OTUD7A: variants seen among roughly 807,000 people sequenced by gnomAD.
The protein encoded by OTUD7A is OTU deubiquitinase 7A.
OTUD7A carries 12 observed loss-of-function variants against 65.7 expected under a neutral mutation model. The observed-to-expected ratio is 0.18, with a 90% confidence interval of 0.12 to 0.30. The LOEUF is 0.30. Ranked by LOEUF, OTUD7A falls within the 10% of genes least tolerant of loss-of-function variation. OTUD7A has a pLI of 1.00. For synonymous variants in OTUD7A, 641 were observed against 586.3 expected, an observed-to-expected ratio of 1.09 and a Z score of -1.35; for missense variants, 1,148 against 1,304.8, an observed-to-expected ratio of 0.88 and a Z score of 1.85.
chr15:31,761,797 T>C (rs1430008269), intron 1 of OTUD7A, among the ~76,000 whole-genome samples: 4 of 152,232 alleles, frequency 2.6e-5, no homozygotes, highest in South Asian at 4.1e-4. Flanking sequence ...CAATGTGATA[T>C]ATCCATACAA....
intron 1 of OTUD7A, among the ~76,000 whole-genome samples, chr15:31,718,001 T>C (rs1893636996): frequency 6.6e-6 from 1 of 152,198 alleles, no homozygotes; most frequent in South Asian, 2.1e-4. Flanking sequence ...ATACCCTACT[T>C]AGGGTAGAAT....
chr15:31,678,816 TCCCC>T (rs1892649501), intron 1 of OTUD7A, among the ~76,000 whole-genome samples: 2 of 151,692 alleles, frequency 1.3e-5, no homozygotes, highest in Admixed American at 1.3e-4. Flanking sequence ...CACACAAGAG[TCCCC>T]ACTGAGGCAC....
chr15:31,742,072 C>A, intron 1 of OTUD7A, among the ~76,000 whole-genome samples: 1 of 152,076 alleles, frequency 6.6e-6, no homozygotes, highest in East Asian at 1.9e-4. Flanking sequence ...TCAACAGATA[C>A]ATACTTTTGT....
intron 1 of OTUD7A, among the ~76,000 whole-genome samples, chr15:31,852,606 G>A (rs1290592785): frequency 1.3e-5 from 2 of 152,118 alleles, no homozygotes; most frequent in Non-Finnish European, 2.9e-5. Flanking sequence ...CCATACAAAG[G>A]ACCAAGTCAG....
intron 5 of OTUD7A, among the ~76,000 whole-genome samples, chr15:31,552,428 A>G (rs1188354955): frequency 6.6e-6 from 1 of 152,250 alleles, no homozygotes; most frequent in African/African-American, 2.4e-5. Flanking sequence ...TAAATTCTTT[A>G]TAGCAAAAAG....
chr15:31,771,649 A>G (rs554646395), intron 1 of OTUD7A, among the ~76,000 whole-genome samples: 1 of 152,296 alleles, frequency 6.6e-6, no homozygotes, highest in South Asian at 2.1e-4. Flanking sequence ...CTAGAACCTT[A>G]TCTCCATCTC....
intron 1 of OTUD7A, among the ~76,000 whole-genome samples, chr15:31,710,770 G>C (rs1392495717): frequency 6.6e-6 from 1 of 152,204 alleles, no homozygotes; most frequent in Non-Finnish European, 1.5e-5. Flanking sequence ...TTATTGTATT[G>C]CTGTTTCTCC....
chr15:31,665,719 C>T (rs1299365721), intron 1 of OTUD7A, among the ~76,000 whole-genome samples: 2 of 152,182 alleles, frequency 1.3e-5, no homozygotes, highest in African/African-American at 4.8e-5. Flanking sequence ...TGAGAGTGGG[C>T]ATCCTTGTCT....
intron 3 of OTUD7A, among the ~76,000 whole-genome samples, chr15:31,605,486 T>C (rs1890213693): frequency 6.6e-6 from 1 of 152,128 alleles, no homozygotes. Flanking sequence ...TTCTCCTTGG[T>C]GGCCTCTGGG....
rs2041004687 is a variant in OTUD7A at position 31,475,535 on chromosome 15, C to T, written c.*7759G>A. ...TTTCATAAAAGAAAGAAATTAAATA[C>T]AATTCTTCTATAAAAAGTGCAGTAG... On this transcript the variant is annotated 3_prime_UTR_variant, in exon 13 of 13. Coordinates refer to ENST00000307050, the MANE Select transcript of OTUD7A (RefSeq NM_001382637.1). The T allele has an allele frequency of 6.6e-6, 1 of 152,158 alleles. No individual in the cohort carries two copies. Among genetic ancestry groups the T allele is most frequent in the African/African-American group, 2.4e-5 (1 of 41,428 alleles). The allele number at this position is 152,158 out of a possible 1,614,324, so 9.4% of individuals were successfully genotyped here.
intron 1 of OTUD7A, among the ~76,000 whole-genome samples, chr15:31,723,392 CCA>C (rs1302024897): frequency 7.6e-3 from 82 of 10,824 alleles, no homozygotes; most frequent in East Asian, 0.043. Context: ...GCACCGCACG[CCA>C]CCCCCCCCCC....
chr15:31,508,732 G>A (rs2041623084), intron 8 of OTUD7A, among the ~76,000 whole-genome samples: 2 of 152,234 alleles, frequency 1.3e-5, no homozygotes, highest in South Asian at 4.1e-4. Context: ...TAGTTTTGAG[G>A]AAAGGGAAAG....
intron 1 of OTUD7A, among the ~76,000 whole-genome samples, chr15:31,795,075 T>A (rs1895917131): frequency 6.6e-6 from 1 of 152,256 alleles, no homozygotes; most frequent in South Asian, 2.1e-4. Flanking sequence ...CAAATGAGAC[T>A]ATCCTTTGAA....
At position 31,631,514 on chromosome 15, in the gene OTUD7A, G is replaced by A. The variant is rs4779903; in HGVS notation, c.151+23582C>T. On this transcript the variant is annotated intron_variant, in intron 3 of 12. Coordinates refer to ENST00000307050, the MANE Select transcript of OTUD7A (RefSeq NM_001382637.1). ...TTACCCGACCTTTCTCTCTGTCTGC[G>A]CTTAACATTTTTTCCTGCATTTCAA... Among the ~76,000 whole-genome samples the A allele has an allele frequency of 2.9e-4, 44 of 152,024 alleles. No homozygotes were observed. The South Asian group carries it at 7.5e-3, about 26-fold the overall frequency.
chr15:31,853,266 A>G (rs2141007167), intron 1 of OTUD7A, among the ~76,000 whole-genome samples: 1 of 152,356 alleles, frequency 6.6e-6, no homozygotes, highest in Admixed American at 6.5e-5. Flanking sequence ...ACCCCTCAGC[A>G]TCCACACAAT....
chr15:31,813,228 G>A lies in OTUD7A; in HGVS notation c.-100+57279C>T, dbSNP rs201777292. ...CGCATGCCCTCCCCATGCCAATGCC[G>A]TTGCTGATGCAGATGCTGATACCTG... is the stretch of plus-strand genomic sequence containing the variant. On this transcript the variant is annotated intron_variant, in intron 1 of 12. Transcript: ENST00000307050. 7.2e-5 allele frequency among the ~76,000 whole-genome samples: 11 copies of A among 152,346 alleles called. No homozygotes were observed. The East Asian group carries it at 1.2e-3, about 16-fold the overall frequency.
At chr15:31,765,701 A>C in intron 1 of OTUD7A, 3 of 924,768 alleles carry the variant, frequency 3.2e-6, no homozygotes, top group Non-Finnish European at 4.9e-6. Flanking sequence ...ATATGGCTTC[A>C]TTTATCAAAG....
At chr15:31,753,245 C>G (rs1483494926) in intron 1 of OTUD7A, among the ~76,000 whole-genome samples, 1 of 151,414 alleles carries the variant, frequency 6.6e-6, no homozygotes, top group African/African-American at 2.4e-5. Context: ...TTTAAGCAAA[C>G]TCCCAAAAAA....
chr15:31,847,484 T>C (rs538056172), intron 1 of OTUD7A, among the ~76,000 whole-genome samples: 1 of 152,282 alleles, frequency 6.6e-6, no homozygotes, highest in African/African-American at 2.4e-5. Flanking sequence ...CATACTTTAC[T>C]CCAGGGAAGC....
Sources: gnomAD v4.1 joint callset for allele counts (sites outside exome capture counted in the v4.1 genomes callset) on GRCh38, gnomAD v4.1.1 for gene constraint, MANE v1.5 for transcripts, NCBI Gene and HGNC (gene_info 2026-07-23, HGNC 2026-07-21) for gene names.